The following COP1 variants were observed in gnomAD, a reference collection of about 807,000 sequenced individuals.
COP1 encodes the protein E3 ubiquitin-protein ligase COP1.
In COP1, 24 loss-of-function variants were observed where a neutral mutation model predicts 101.3. The ratio of observed to expected loss-of-function variants is 0.24; its 90% confidence interval spans 0.17 to 0.33. The LOEUF (loss-of-function observed/expected upper bound fraction) is 0.33, where lower values mean the gene tolerates loss of function less well. Ranked by LOEUF, COP1 falls within the 10% of genes least tolerant of loss-of-function variation. COP1 has a pLI of 1.00. For synonymous variants in COP1, 347 were observed against 341.9 expected (o/e 1.01, Z -0.17); for missense variants, 663 against 906.2 (o/e 0.73, Z 3.45).
intron 14 of COP1, among the ~76,000 whole-genome samples, chr1:176,039,821 T>A (rs4652144): frequency 0.059 from 9,011 of 152,066 alleles, 607 homozygotes; most frequent in African/African-American, 0.16. Context: ...AAAGGACAGT[T>A]TTTTCAACAA....
At chr1:175,984,964 T>C (rs981560833) in intron 18 of COP1, among the ~76,000 whole-genome samples, 4 of 152,210 alleles carry the variant, frequency 2.6e-5, no homozygotes, top group Non-Finnish European at 5.9e-5. Flanking sequence ...TACAGACTCA[T>C]AGGCAGAAGG....
At chr1:176,162,806 C>A in intron 5 of COP1, 63 bp downstream of exon 5, 1 of 1,418,916 alleles carries the variant, frequency 7.0e-7, no homozygotes, top group Non-Finnish European at 9.6e-7. Context: ...AAACTTTCTA[C>A]GTCTTTTTTA....
At chr1:176,098,752 G>A (rs569145773) in intron 9 of COP1, among the ~76,000 whole-genome samples, 1 of 152,216 alleles carries the variant, frequency 6.6e-6, no homozygotes, top group South Asian at 2.1e-4. Flanking sequence ...GGAATAATTT[G>A]GAATTCTATT....
intron 14 of COP1, among the ~76,000 whole-genome samples, chr1:176,035,199 TAAAC>T (rs1176454321): frequency 6.6e-6 from 1 of 151,730 alleles, no homozygotes; most frequent in Non-Finnish European, 1.5e-5. Context: ...GGGGTAAAAA[TAAAC>T]AAACTTAAAA....
At chr1:176,071,722 A>G (rs1014796684) in intron 11 of COP1, among the ~76,000 whole-genome samples, 1 of 152,176 alleles carries the variant, frequency 6.6e-6, no homozygotes, top group South Asian at 2.1e-4. Flanking sequence ...TCTTCCTTAT[A>G]TTAACCTTAA....
At chr1:176,130,787 A>G (rs1394163330) in intron 8 of COP1, among the ~76,000 whole-genome samples, 1 of 151,824 alleles carries the variant, frequency 6.6e-6, no homozygotes, top group Non-Finnish European at 1.5e-5. Flanking sequence ...TAAGAAAAAA[A>G]CAATACTCAC....
chr1:175,986,154 G>T (rs1348862406), intron 18 of COP1, among the ~76,000 whole-genome samples: 2 of 151,996 alleles, frequency 1.3e-5, no homozygotes, highest in Admixed American at 6.6e-5. Context: ...CGAGTAGCTG[G>T]GACTACAGTC....
chr1:175,986,882 C>G, intron 18 of COP1, 61 bp downstream of exon 18: 9 of 1,258,212 alleles, frequency 7.2e-6, no homozygotes, highest in Non-Finnish European at 9.8e-6. Context: ...TAATCAAACC[C>G]TGTGTATACA....
intron 11 of COP1, among the ~76,000 whole-genome samples, chr1:176,047,684 T>C (rs1191505862): frequency 6.6e-6 from 1 of 152,182 alleles, no homozygotes; most frequent in Non-Finnish European, 1.5e-5. Flanking sequence ...AATACAAACA[T>C]CCATTTTCTT....
At chr1:175,991,244 A>G (rs1010397408) in intron 15 of COP1, among the ~76,000 whole-genome samples, 3 of 152,162 alleles carry the variant, frequency 2.0e-5, no homozygotes, top group African/African-American at 7.2e-5. Flanking sequence ...CACTTAGGTT[A>G]TGTGGAATAG....
chr1:176,015,222 A>G (rs767422269), intron 15 of COP1, among the ~76,000 whole-genome samples: 1 of 152,214 alleles, frequency 6.6e-6, no homozygotes, highest in Non-Finnish European at 1.5e-5. Flanking sequence ...GGAACGCAGG[A>G]TAAATTTATC....
At chr1:175,971,782 G>A (rs1395647794) in intron 18 of COP1, among the ~76,000 whole-genome samples, 1 of 152,192 alleles carries the variant, frequency 6.6e-6, no homozygotes, top group East Asian at 1.9e-4. Context: ...AGCACTACCA[G>A]AATGTTCTAG....
intron 2 of COP1, among the ~76,000 whole-genome samples, chr1:176,176,882 C>G (rs1697017397): frequency 6.6e-6 from 1 of 152,128 alleles, no homozygotes; most frequent in Admixed American, 6.5e-5. Flanking sequence ...ACAATCTCAA[C>G]TACTGTTACA....
At position 176,046,166 on chromosome 1, in the gene COP1, A is replaced by C. The variant is rs1469849744; in HGVS notation, c.1421+15T>G. On this transcript the variant is annotated intron_variant, in intron 12 of 19. Coordinates refer to ENST00000367669, the MANE Select transcript of COP1 (RefSeq NM_022457.7). The stretch of plus-strand genomic sequence containing the variant: ...ACATCTATACTGCATCATGTCAAGA[A>C]AATAATGTAAATACCTGATTTTCGA... The C allele has an allele frequency of 6.3e-7, 1 of 1,590,006 alleles. No homozygotes were observed. The highest frequency in any genetic ancestry group is 1.8e-5 in the Admixed American group (1 of 54,478).
rs753934763 is a variant in COP1, at chr1:176,028,261, C to T, written c.1613-573G>A. Among the ~76,000 whole-genome samples the T allele has an allele frequency of 3.6e-4, 55 of 152,026 alleles. 1 individual carries two copies. The highest frequency in any genetic ancestry group is 1.2e-3 in the South Asian group (6 of 4,804). On this transcript the variant is annotated intron_variant, in intron 14 of 19. Coordinates refer to ENST00000367669, the MANE Select transcript of COP1 (RefSeq NM_022457.7). ...AACCAAGAGAGCTTAGTTTCAATGTCAAAAATCAATATAGATAAAAAGGTC... is the reference window on the plus strand; with the variant it reads ...AACCAAGAGAGCTTAGTTTCAATGTTAAAAATCAATATAGATAAAAAGGTC...
intron 18 of COP1, among the ~76,000 whole-genome samples, chr1:175,951,462 A>ATATATATATATATATATATATATATAT (rs1491471530): frequency 5.7e-4 from 28 of 49,550 alleles, no homozygotes; most frequent in African/African-American, 8.0e-4. Context: ...ATATATATAT[A>ATATATATATATATATATATATATATAT]AAAACTTCCA....
chr1:176,029,874 A>G (rs947732141), intron 14 of COP1, among the ~76,000 whole-genome samples: 3 of 152,208 alleles, frequency 2.0e-5, no homozygotes, highest in African/African-American at 7.2e-5. Context: ...AATATTGCTA[A>G]TTTACAATCT....
Position 175,952,841 on chromosome 1 carries a change from T to C in COP1, c.2134-5602A>G, listed in dbSNP as rs148011659. 2.6e-3 allele frequency among the ~76,000 whole-genome samples: 397 copies of C among 152,246 alleles called. 3 individuals are homozygous for C. Among genetic ancestry groups the C allele is most frequent in the African/African-American group, 9.1e-3 (379 of 41,544 alleles). The stretch of plus-strand genomic sequence containing the variant: ...CTGAAGCGGGAGGATCTCTTGAGCC[T>C]AGGAGTTTGAGGCTGCAGTGAGCTA... On this transcript the variant is annotated intron_variant, in intron 18 of 19. Coordinates refer to ENST00000367669, the MANE Select transcript of COP1 (RefSeq NM_022457.7).
At chr1:175,989,559 T>C in intron 15 of COP1, 80 bp from the exon 16 acceptor site, 4 of 784,226 alleles carry the variant, frequency 5.1e-6, no homozygotes, top group South Asian at 3.0e-5. Flanking sequence ...TTTTGGTTTT[T>C]TCATTAAAAG....
Sources: gnomAD v4.1 joint callset for allele counts (sites outside exome capture counted in the v4.1 genomes callset) on GRCh38, gnomAD v4.1.1 for gene constraint, MANE v1.5 for transcripts, NCBI Gene and HGNC (gene_info 2026-07-23, HGNC 2026-07-21) for gene names.